The following DDX6 variants were observed in gnomAD, a reference collection of about 807,000 sequenced individuals.
DDX6 encodes the protein DEAD-box helicase 6, also known as probable ATP-dependent RNA helicase DDX6.
DDX6 carries 7 observed loss-of-function variants against 60.6 expected under a neutral mutation model. The ratio of observed to expected loss-of-function variants is 0.12; its 90% CI spans 0.07 to 0.22. DDX6 has a LOEUF of 0.22. Among genes scored for constraint, DDX6 ranks in the 10% least tolerant of loss-of-function variants. The probability of loss-of-function intolerance (pLI) is 1.00; values close to 1 mark genes in which losing one functional copy is unlikely to be tolerated. For missense variants in DDX6, 270 were observed against 589.9 expected (o/e 0.46, Z 5.62); for synonymous variants, 207 against 201.0 (o/e 1.03, Z -0.25).
chr11:118,789,855 C>T (rs1862205247), intron 1 of DDX6: 1 of 152,164 alleles, frequency 6.6e-6, no homozygotes. Flanking sequence ...GCAGCTTTTT[C>T]TCAGAGAAGG....
In DDX6 at chr11:118,750,631, T is replaced by C. The variant is rs1279494360; in HGVS notation, c.*1474A>G. 2 of 152,190 alleles carry C rather than the reference T, an allele frequency of 1.3e-5. No individual in the cohort carries two copies. Among genetic ancestry groups the C allele is most frequent in the African/African-American group, 4.8e-5 (2 of 41,438 alleles). 9.4% of individuals were successfully genotyped at this position (152,190 alleles called of 1,614,324 possible). A position where few individuals can be genotyped will look rare whatever the true frequency, so the allele number is the denominator to read the frequency against. On this transcript the variant is annotated 3_prime_UTR_variant, in exon 14 of 14. Coordinates refer to ENST00000534980, the MANE Select transcript of DDX6 (RefSeq NM_004397.6). ...GCTAATATTCTGAAATGCAAATCTGTGCTTTATATATATACTGCTCAATGA... is the reference window on the plus strand; with the variant it reads ...GCTAATATTCTGAAATGCAAATCTGCGCTTTATATATATACTGCTCAATGA...
At position 118,751,006 on chromosome 11, in the gene DDX6, C is replaced by T. The variant is rs1310987449; in HGVS notation, c.*1099G>A. 12 of 151,148 alleles carry T rather than the reference C, an allele frequency of 7.9e-5. No individual in the cohort carries two copies. Among genetic ancestry groups the T allele is most frequent in the Non-Finnish European group, 2.9e-5 (2 of 67,810 alleles). The allele number at this position is 151,148 out of a possible 1,614,324, so 9.4% of individuals were successfully genotyped here. On this transcript the variant is annotated 3_prime_UTR_variant, in exon 14 of 14. Coordinates refer to ENST00000534980, the MANE Select transcript of DDX6 (RefSeq NM_004397.6). ...AGCCCCTCTCATCTTTAGCTGCTCC[C>T]ATAATCACTCTAATCCCCTTAATCC...
chr11:118,791,048 G>C (rs1404832455), intron 1 of DDX6, 50 bp downstream of exon 1: 3 of 145,730 alleles, frequency 2.1e-5, no homozygotes, highest in Non-Finnish European at 4.5e-5. Flanking sequence ...TCCGAGGGGC[G>C]CGCAGGCCAG....
chr11:118,754,584 T>C (rs898804403), intron 13 of DDX6, 121 bp downstream of exon 13: 2 of 794,450 alleles, frequency 2.5e-6, no homozygotes, highest in Non-Finnish European at 2.0e-6. Context: ...TCATTTATGC[T>C]AGTGGGTATT....
rs769294364 is a variant in DDX6 at position 118,778,647 on chromosome 11, G to A, written c.369+985C>T. Among the ~76,000 whole-genome samples, 5 of 152,076 alleles carry A rather than the reference G, an allele frequency of 3.3e-5. No homozygotes were observed. The East Asian group carries it at 5.8e-4, about 18-fold the overall frequency. ...AAAATGCACCCCAGATTGCTTATTCGTCTCAAGGGAGAGGGGAAAGAGCAG... is the reference window on the plus strand; with the variant it reads ...AAAATGCACCCCAGATTGCTTATTCATCTCAAGGGAGAGGGGAAAGAGCAG... On this transcript the variant is annotated intron_variant, in intron 4 of 13. Coordinates refer to ENST00000534980, the MANE Select transcript of DDX6 (RefSeq NM_004397.6).
chr11:118,781,424 C>T (rs531569730), intron 2 of DDX6, among the ~76,000 whole-genome samples: 2 of 152,308 alleles, frequency 1.3e-5, no homozygotes, highest in Admixed American at 1.3e-4. Flanking sequence ...ATATTGTATA[C>T]AGTGTAACTG....
chr11:118,754,513 G>A, intron 13 of DDX6, 192 bp downstream of exon 13: 1 of 481,246 alleles, frequency 2.1e-6, no homozygotes, highest in Non-Finnish European at 3.6e-6. Context: ...CTGCATTCAA[G>A]AACAACATTT....
At position 118,749,282 on chromosome 11, in the gene DDX6, C is replaced by G. The variant is rs1044946118; in HGVS notation, c.*2823G>C. ...AATATTATCATTACTTAAAAAAATA[C>G]ATATTTAATATTGGAAAGAATGTGA... On this transcript the variant is annotated 3_prime_UTR_variant, in exon 14 of 14. Transcript: ENST00000534980. 2.1e-4 allele frequency: 26 copies of G among 126,752 alleles called. No homozygotes were observed. Among genetic ancestry groups the G allele is most frequent in the African/African-American group, 7.4e-4 (25 of 33,884 alleles). The allele number at this position is 126,752 out of a possible 1,614,324, so 7.9% of individuals were successfully genotyped here.
intron 4 of DDX6, among the ~76,000 whole-genome samples, chr11:118,769,872 T>C (rs1036287695): frequency 6.0e-5 from 9 of 149,272 alleles, no homozygotes; most frequent in African/African-American, 2.2e-4. Context: ...ACCCGGCTAA[T>C]TTTTTTTTTG....
intron 13 of DDX6, among the ~76,000 whole-genome samples, chr11:118,753,815 A>G (rs1860869061): frequency 1.3e-5 from 2 of 151,972 alleles, no homozygotes; most frequent in Admixed American, 1.3e-4. Flanking sequence ...AACTGCTGGC[A>G]GTGTGGTGGC....
At chr11:118,760,200 A>C (rs1404772673) in intron 7 of DDX6, among the ~76,000 whole-genome samples, 156 bp from the exon 8 acceptor site, 1 of 152,218 alleles carries the variant, frequency 6.6e-6, no homozygotes, top group Non-Finnish European at 1.5e-5. Context: ...GCAGAGAGTC[A>C]AATATGCAGA....
chr11:118,770,459 C>T (rs1459201431), intron 4 of DDX6, among the ~76,000 whole-genome samples: 1 of 152,180 alleles, frequency 6.6e-6, no homozygotes, highest in African/African-American at 2.4e-5. Flanking sequence ...TTTAAAGCTG[C>T]TATTGGTAGA....
In DDX6 at chr11:118,786,062, T is replaced by G; in HGVS notation, c.190A>C (p.Thr64Pro). Residue 64 changes from threonine to proline, a missense_variant, in exon 2 of 14, where the codon ACC (threonine) becomes CCC (proline). By Grantham distance (38) the Thr-to-Pro change is conservative. Coordinates refer to ENST00000534980, the MANE Select transcript of DDX6 (RefSeq NM_004397.6). Reference protein sequence around the residue: ...GTQQQAQSMTTTIKPGDDWKK... With the variant: ...GTQQQAQSMTPTIKPGDDWKK... The stretch of plus-strand genomic sequence containing the variant: ...TACTCTAACACTTACTTAATAGTGG[T>G]GGTCATACTCTGTGCTTGCTGCTGA... The G allele has an allele frequency of 6.2e-7, 1 of 1,613,378 alleles. No homozygotes were observed. Among genetic ancestry groups the G allele is most frequent in the Non-Finnish European group, 8.5e-7 (1 of 1,179,574 alleles).
At position 118,749,644 on chromosome 11, in the gene DDX6, C is replaced by T. The variant is rs1378502423; in HGVS notation, c.*2461G>A. On this transcript the variant is annotated 3_prime_UTR_variant, in exon 14 of 14. Transcript: ENST00000534980. Reference sequence around the variant, plus strand: ...AGACTGCACTTTTTGTTTAGTCACCCACACGTTCTCTAGCGAGATACAGAA... The same window carrying T: ...AGACTGCACTTTTTGTTTAGTCACCTACACGTTCTCTAGCGAGATACAGAA... 2.0e-5 allele frequency: 3 copies of T among 152,636 alleles called. No individual in the cohort carries two copies. The highest frequency in any genetic ancestry group is 4.4e-5 in the Non-Finnish European group (3 of 68,036). 9.5% of individuals were successfully genotyped at this position (152,636 alleles called of 1,614,324 possible).
Position 118,761,612 on chromosome 11 carries a change from AAAAAC to A in DDX6, c.742-1573_742-1569del, listed in dbSNP as rs142195532. Among the ~76,000 whole-genome samples the A allele has an allele frequency of 1.8e-3, 271 of 151,982 alleles. 1 individual carries two copies. The highest frequency in any genetic ancestry group is 6.1e-3 in the African/African-American group (251 of 41,430). On this transcript the variant is annotated intron_variant, in intron 7 of 13. Transcript: ENST00000534980. ...AAGCGGGGCAACGAGACTCTGTCTC[AAAAAC>A]AAAACAAAACAAAACAAAAAAGAAA...
In DDX6 at chr11:118,754,917, G is replaced by C. The variant is rs1555158355; in HGVS notation, c.1277-30C>G. On this transcript the variant is annotated intron_variant, in intron 12 of 13. Coordinates refer to ENST00000534980, the MANE Select transcript of DDX6 (RefSeq NM_004397.6). Reference sequence around the variant, plus strand: ...AAAACATGCGTTTAAAAATTTTAATGAATAAAATATGAAAATCAATGTGAA... The same window carrying C: ...AAAACATGCGTTTAAAAATTTTAATCAATAAAATATGAAAATCAATGTGAA... 3 of 1,556,064 alleles carry C rather than the reference G, an allele frequency of 1.9e-6. No individual in the cohort carries two copies. The Admixed American group carries it at 6.1e-5, about 31-fold the overall frequency.
At chr11:118,770,517 T>C (rs547158209) in intron 4 of DDX6, among the ~76,000 whole-genome samples, 17 of 152,278 alleles carry the variant, frequency 1.1e-4, no homozygotes, top group Non-Finnish European at 1.5e-4. Context: ...ACAACACTCT[T>C]TCTACCTAGA....
chr11:118,777,151 G>A (rs531042410), intron 4 of DDX6, among the ~76,000 whole-genome samples: 20 of 152,142 alleles, frequency 1.3e-4, no homozygotes, highest in African/African-American at 4.8e-4. Flanking sequence ...ACAATTAGCT[G>A]TCCTTTCCAG....
At position 118,758,999 on chromosome 11, in the gene DDX6, ACT is replaced by A. The variant is rs1261954645; in HGVS notation, c.865-99_865-98del. On this transcript the variant is annotated intron_variant, in intron 8 of 13. Transcript: ENST00000534980. Reference sequence around the variant, plus strand: ...TACCCTATACGTTTCTGTCCGATAAACTCTTGCTGTAAGGGACGCAACTCTCT... The same window carrying A: ...TACCCTATACGTTTCTGTCCGATAAACTTGCTGTAAGGGACGCAACTCTCT... The A allele has an allele frequency of 6.1e-6, 9 of 1,482,640 alleles. No individual in the cohort carries two copies. The Admixed American group carries it at 1.6e-4, about 26-fold the overall frequency. 91.8% of individuals were successfully genotyped at this position (1,482,640 alleles called of 1,614,324 possible). A position where few individuals can be genotyped will look rare whatever the true frequency, so the allele number is the denominator to read the frequency against.
Sources: gnomAD v4.1 joint callset for allele counts (sites outside exome capture counted in the v4.1 genomes callset) on GRCh38, gnomAD v4.1.1 for gene constraint, MANE v1.5 for transcripts, NCBI Gene and HGNC (gene_info 2026-07-23, HGNC 2026-07-21) for gene names.